The following TENM3 variants were observed in gnomAD, a reference collection of about 807,000 sequenced individuals.
TENM3 encodes the protein teneurin-3.
Under a neutral mutation model 255.1 loss-of-function variants are expected in TENM3, and 63 were observed. That is an observed-to-expected ratio of 0.25 (90% CI 0.20 to 0.30). TENM3 has a LOEUF of 0.30. Among genes scored for constraint, TENM3 ranks in the 10% least tolerant of loss-of-function variants. TENM3 has a pLI of 1.00. For synonymous variants in TENM3, 1,306 were observed against 1,322.3 expected (o/e 0.99, Z 0.27); for missense variants, 2,929 against 3,461.1 (o/e 0.85, Z 3.86).
At chr4:182,756,007 C>T (rs1419203324) in intron 22 of TENM3, among the ~76,000 whole-genome samples, 1 of 152,140 alleles carries the variant, frequency 6.6e-6, no homozygotes, top group Non-Finnish European at 1.5e-5. Flanking sequence ...ATCTTGCTTC[C>T]AATAGACCTA....
chr4:182,687,473 T>C (rs1756670360), intron 11 of TENM3, among the ~76,000 whole-genome samples: 1 of 150,394 alleles, frequency 6.6e-6, no homozygotes, highest in Non-Finnish European at 1.5e-5. Flanking sequence ...TCAGTAATTC[T>C]AGGAATTGAA....
chr4:181,733,530 G>A, the TENM3 span, among the ~76,000 whole-genome samples: 1 of 152,162 alleles, frequency 6.6e-6, no homozygotes, highest in African/African-American at 2.4e-5. Context: ...TAACGCTTGA[G>A]CATACTGAGA....
At chr4:182,761,936 G>T (rs984500047) in intron 22 of TENM3, among the ~76,000 whole-genome samples, 2 of 152,172 alleles carry the variant, frequency 1.3e-5, no homozygotes, top group African/African-American at 4.8e-5. Flanking sequence ...TTTCTAAAGT[G>T]ACTGCTGTAC....
chr4:181,966,824 G>A, the TENM3 span, among the ~76,000 whole-genome samples: 1 of 152,100 alleles, frequency 6.6e-6, no homozygotes, highest in African/African-American at 2.4e-5. Flanking sequence ...AAGTGACAAA[G>A]CATTATCTTT....
chr4:181,845,765 A>G, the TENM3 span, among the ~76,000 whole-genome samples: 1 of 152,220 alleles, frequency 6.6e-6, no homozygotes, highest in Admixed American at 6.5e-5. Flanking sequence ...GTCTCACACT[A>G]AAGATAAACC....
chr4:182,359,852 G>C (rs1223894960), intron 3 of TENM3, among the ~76,000 whole-genome samples: 1 of 150,696 alleles, frequency 6.6e-6, no homozygotes, highest in Non-Finnish European at 1.5e-5. Flanking sequence ...TCTCTTGTGG[G>C]CATTTAGTGC....
At chr4:181,724,341 C>G in the TENM3 span, among the ~76,000 whole-genome samples, 1 of 151,868 alleles carries the variant, frequency 6.6e-6, no homozygotes, top group African/African-American at 2.4e-5. Context: ...ATCTCTTGTC[C>G]ATTTTCTCTT....
chr4:182,559,048 A>G (rs1742861563), intron 3 of TENM3, among the ~76,000 whole-genome samples: 1 of 151,716 alleles, frequency 6.6e-6, no homozygotes, highest in Admixed American at 6.6e-5. Flanking sequence ...TGAGTTCCCA[A>G]CCCAGTTAAA....
chr4:181,895,635 C>T, the TENM3 span, among the ~76,000 whole-genome samples: 2 of 143,942 alleles, frequency 1.4e-5, no homozygotes, highest in East Asian at 4.3e-4. Context: ...GTCTTGAACT[C>T]CTAGGCTCAA....
At chr4:182,293,303 C>A (rs888862288) in intron 1 of TENM3, among the ~76,000 whole-genome samples, 1 of 152,198 alleles carries the variant, frequency 6.6e-6, no homozygotes, top group South Asian at 2.1e-4. Context: ...TCCATCCAAA[C>A]CAGACTTGCT....
At chr4:182,654,617 C>A (rs560689413) in intron 6 of TENM3, among the ~76,000 whole-genome samples, 1 of 152,054 alleles carries the variant, frequency 6.6e-6, no homozygotes, top group Non-Finnish European at 1.5e-5. Context: ...CTGATGAAGA[C>A]GCCTTTTTCT....
At chr4:181,958,819 T>C in the TENM3 span, among the ~76,000 whole-genome samples, 2 of 152,178 alleles carry the variant, frequency 1.3e-5, no homozygotes, top group African/African-American at 4.8e-5. Flanking sequence ...TCTAGCAGAA[T>C]ACATACTACG....
chr4:181,746,634 G>T, the TENM3 span, among the ~76,000 whole-genome samples: 1 of 151,884 alleles, frequency 6.6e-6, no homozygotes. Context: ...TATTCTACCT[G>T]TATAAGTATG....
At chr4:182,285,577 C>T (rs1265076183) in intron 1 of TENM3, among the ~76,000 whole-genome samples, 1 of 152,126 alleles carries the variant, frequency 6.6e-6, no homozygotes, top group Non-Finnish European at 1.5e-5. Flanking sequence ...ATTGCAAGTC[C>T]TCTAGAAGGT....
chr4:181,939,558 T>C, the TENM3 span, among the ~76,000 whole-genome samples: 1 of 152,216 alleles, frequency 6.6e-6, no homozygotes, highest in Non-Finnish European at 1.5e-5. Flanking sequence ...ACTTGTGCCC[T>C]AAAAGCAAAA....
chr4:181,862,511 C>T, the TENM3 span, among the ~76,000 whole-genome samples: 1 of 151,942 alleles, frequency 6.6e-6, no homozygotes. Flanking sequence ...ACAAAAGTGC[C>T]TCCCTGCAGA....
chr4:182,520,374 G>C (rs1338627813), intron 3 of TENM3, among the ~76,000 whole-genome samples: 5 of 152,182 alleles, frequency 3.3e-5, no homozygotes, highest in Admixed American at 2.6e-4. Flanking sequence ...ATTTCCACCA[G>C]AGGCAAATAG....
the TENM3 span, among the ~76,000 whole-genome samples, chr4:181,850,076 C>A: frequency 2.6e-4 from 40 of 151,084 alleles, no homozygotes; most frequent in Non-Finnish European, 5.5e-4. Context: ...TCTCTCTTTC[C>A]CTCCCTCCGT....
intron 24 of TENM3, among the ~76,000 whole-genome samples, chr4:182,777,375 C>T (rs72997177): frequency 0.081 from 12,275 of 151,956 alleles, 1,698 homozygotes; most frequent in African/African-American, 0.28. Flanking sequence ...TGCCATTGCA[C>T]CTAGATCTTC....
Sources: gnomAD v4.1 joint callset for allele counts (sites outside exome capture counted in the v4.1 genomes callset) on GRCh38, gnomAD v4.1.1 for gene constraint, MANE v1.5 for transcripts, NCBI Gene and HGNC (gene_info 2026-07-23, HGNC 2026-07-21) for gene names.